REPS2: variants seen among roughly 807,000 people sequenced by gnomAD.
REPS2 encodes the protein ralBP1-associated Eps domain-containing protein 2.
Under a neutral mutation model 53.6 loss-of-function variants are expected in REPS2, and 23 were observed. The ratio of observed to expected loss-of-function variants is 0.43; its 90% confidence interval spans 0.31 to 0.61. REPS2 has a LOEUF of 0.61. Among genes scored for constraint, REPS2 ranks in the 20% least tolerant of loss-of-function variants. The probability of loss-of-function intolerance (pLI) is 0.11; values close to 1 mark genes in which losing one functional copy is unlikely to be tolerated. For missense variants in REPS2, 446 were observed against 534.9 expected (o/e 0.83, Z 1.64); for synonymous variants, 238 against 218.6 (o/e 1.09, Z -0.78).
chrX:17,021,910 A>G (rs1487126152), intron 2 of REPS2, among the ~76,000 whole-genome samples: 1 of 112,474 alleles, frequency 8.9e-6, no homozygotes, highest in Non-Finnish European at 1.9e-5. Context: ...GGCAACATTG[A>G]AAAATGTTAA....
chrX:17,133,768 A>G, intron 14 of REPS2, 56 bp from the exon 15 acceptor site: 1 of 991,314 alleles, frequency 1.0e-6, no homozygotes, highest in Admixed American at 2.2e-5. Flanking sequence ...TCTTTATTGT[A>G]TATTTAGGTG....
intron 1 of REPS2, among the ~76,000 whole-genome samples, chrX:16,995,192 T>C (rs2061220058): frequency 1.8e-5 from 2 of 112,052 alleles, no homozygotes; most frequent in African/African-American, 6.5e-5. Context: ...GGCCAGGCAA[T>C]AGTGGGGCCT....
At chrX:17,189,219 GTATCTCTCTAAAGGCACATGCCACT>G in the REPS2 span, among the ~76,000 whole-genome samples, 2,281 of 110,358 alleles carry the variant, frequency 0.021, 42 homozygotes, top group Non-Finnish European at 0.034. Context: ...TGTATTCTCT[GTATCTCTCTAAAGGCACATGCCACT>G]TATCTCTCTA....
chrX:17,136,157 C>G (rs1395420878), intron 16 of REPS2: 1 of 112,204 alleles, frequency 8.9e-6, no homozygotes, highest in Non-Finnish European at 1.9e-5. Context: ...CATAAATGCT[C>G]AAGACCCATC....
At chrX:17,024,737 A>G (rs1431288948) in intron 3 of REPS2, among the ~76,000 whole-genome samples, 1 of 111,405 alleles carries the variant, frequency 9.0e-6, no homozygotes, top group Non-Finnish European at 1.9e-5. Flanking sequence ...AGAGATCACA[A>G]TTGGGAGCGG....
At chrX:16,947,796 A>C (rs150518471) in intron 1 of REPS2, among the ~76,000 whole-genome samples, 240 of 112,134 alleles carry the variant, frequency 2.1e-3, no homozygotes, top group African/African-American at 7.3e-3. Flanking sequence ...TCAGAAGTCC[A>C]CCATGGGAAA....
chrX:17,128,059 C>A (rs1322260071), intron 14 of REPS2, among the ~76,000 whole-genome samples: 2 of 111,699 alleles, frequency 1.8e-5, no homozygotes, highest in East Asian at 5.7e-4. Flanking sequence ...GAAACAGAGA[C>A]AACAAGGAGG....
intron 1 of REPS2, among the ~76,000 whole-genome samples, chrX:16,984,257 G>A (rs961388262): frequency 3.6e-5 from 4 of 112,123 alleles, no homozygotes; most frequent in African/African-American, 1.3e-4. Flanking sequence ...GGCTGTTGGT[G>A]GGAGGCCTCA....
At chrX:17,165,962 G>GA in the REPS2 span, among the ~76,000 whole-genome samples, 5 of 111,769 alleles carry the variant, frequency 4.5e-5, no homozygotes, top group Non-Finnish European at 5.6e-5. Context: ...AAGAGAGAAA[G>GA]AAAAAAGCAA....
chrX:16,994,060 A>C (rs531493110), intron 1 of REPS2, among the ~76,000 whole-genome samples: 2 of 112,401 alleles, frequency 1.8e-5, no homozygotes, highest in South Asian at 3.7e-4. Flanking sequence ...TACACCACCA[A>C]CATTGCCTGC....
intron 5 of REPS2, among the ~76,000 whole-genome samples, chrX:17,038,697 T>C (rs965717284): frequency 5.3e-5 from 6 of 112,353 alleles, no homozygotes; most frequent in Admixed American, 1.9e-4. Context: ...CTGGGACTTA[T>C]GCTGACGGGT....
the REPS2 span, among the ~76,000 whole-genome samples, chrX:17,174,819 T>C: frequency 2.7e-5 from 3 of 112,836 alleles, no homozygotes; most frequent in East Asian, 5.6e-4. Flanking sequence ...CTGCTGCTGC[T>C]GCTATTTTTC....
chrX:17,033,886 G>A (rs1395439787), intron 5 of REPS2, among the ~76,000 whole-genome samples: 6 of 111,293 alleles, frequency 5.4e-5, no homozygotes, highest in African/African-American at 1.6e-4. Flanking sequence ...GCTCACTGCC[G>A]CTTTCCCTCC....
intron 13 of REPS2, among the ~76,000 whole-genome samples, chrX:17,096,643 G>A (rs2148039096): frequency 1.6e-5 from 1 of 63,985 alleles, no homozygotes; most frequent in South Asian, 1.4e-3. Flanking sequence ...CTGGGCGACA[G>A]AGCGAGACTC....
chrX:17,061,477 T>C (rs899447791), intron 8 of REPS2, among the ~76,000 whole-genome samples: 5 of 112,421 alleles, frequency 4.4e-5, no homozygotes, highest in Non-Finnish European at 9.4e-5. Context: ...TATTGGCATT[T>C]CAGTCCCTGA....
At chrX:17,068,086 G>T (rs1371235931) in intron 9 of REPS2, among the ~76,000 whole-genome samples, 1 of 111,394 alleles carries the variant, frequency 9.0e-6, no homozygotes, top group Non-Finnish European at 1.9e-5. Flanking sequence ...GGCTGAGGCG[G>T]GTGGATCACG....
chrX:17,192,227 T>C, the REPS2 span, among the ~76,000 whole-genome samples: 1 of 112,527 alleles, frequency 8.9e-6, no homozygotes, highest in South Asian at 3.7e-4. Context: ...AGCGTGCATG[T>C]GTGTTTTCTG....
chrX:17,070,911 GGAGA>G (rs1212501569), intron 11 of REPS2, among the ~76,000 whole-genome samples: 3 of 109,485 alleles, frequency 2.7e-5, no homozygotes, highest in African/African-American at 1.0e-4. Context: ...GTAGGGGGAA[GGAGA>G]GAGAGAGAGA....
chrX:17,144,968 C>T (rs1006174592), intron 17 of REPS2, among the ~76,000 whole-genome samples: 1 of 111,312 alleles, frequency 9.0e-6, no homozygotes, highest in African/African-American at 3.3e-5. Flanking sequence ...AGTGGACTCC[C>T]AAACTCACCC....
Sources: allele counts gnomAD v4.1 joint callset (sites outside exome capture counted in the v4.1 genomes callset), GRCh38; gene constraint gnomAD v4.1.1; transcripts MANE v1.5; gene names NCBI Gene and HGNC (gene_info 2026-07-23, HGNC 2026-07-21).